Variants in SETX observed in about 807,000 individuals in gnomAD.
SETX encodes the protein senataxin, also known as helicase senataxin.
A neutral mutation model predicts 227.2 loss-of-function variants in SETX; 90 were observed. That is an observed-to-expected ratio of 0.40 (90% CI 0.33 to 0.47). The LOEUF is 0.47. Among genes scored for constraint, SETX ranks in the 20% least tolerant of loss-of-function variants. SETX has a pLI of 0.91. For missense variants in SETX, 3,052 were observed against 3,181.5 expected, an observed-to-expected ratio of 0.96 and a Z score of 0.98; for synonymous variants, 1,210 against 1,113.2, an observed-to-expected ratio of 1.09 and a Z score of -1.73.
In SETX at chr9:132,327,604, G is replaced by C; in HGVS notation, c.3994C>G (p.Gln1332Glu). 1.2e-6 allele frequency: 2 copies of C among 1,614,068 alleles called. No homozygotes were observed. Among genetic ancestry groups the C allele is most frequent in the South Asian group, 2.2e-5 (2 of 91,078 alleles). ...TRKKTKLISP[Q>E]NLSVRNNKKL... ...TTATTATTTCTGACAGACAGGTTCT[G>C]AGGAGAAATTAATTTAGTCTTTTTT... Residue 1332 changes from glutamine (Q) to glutamate (E), a missense_variant, in exon 10 of 26, where the codon CAG (glutamine) becomes GAG (glutamate). Physicochemically the swap from Gln to Glu is conservative, Grantham distance 29 (BLOSUM62 2). This residue lies in a region of SETX where 1,483 missense variants were observed against 1,312.0 expected (regional missense o/e 1.13). Transcript: ENST00000224140.
At chr9:132,353,288 G>T (rs1848694205) in intron 2 of SETX, among the ~76,000 whole-genome samples, 1 of 151,970 alleles carries the variant, frequency 6.6e-6, no homozygotes. Context: ...TGCCTTTATG[G>T]AAGCTCTTCC....
intron 19 of SETX, among the ~76,000 whole-genome samples, chr9:132,282,296 CTTAT>C (rs1564483581): frequency 6.9e-6 from 1 of 145,534 alleles, no homozygotes; most frequent in East Asian, 2.1e-4. Context: ...TATTTTTTAA[CTTAT>C]TTTTTTTTTT....
intron 18 of SETX, among the ~76,000 whole-genome samples, chr9:132,285,112 C>T (rs1439062948): frequency 2.0e-5 from 3 of 151,950 alleles, no homozygotes; most frequent in Admixed American, 6.6e-5. Flanking sequence ...CTCCTGACCT[C>T]GTGATCCGCC....
At chr9:132,301,088 C>CA (rs1844968029) in intron 11 of SETX, among the ~76,000 whole-genome samples, 1 of 123,924 alleles carries the variant, frequency 8.1e-6, no homozygotes, top group Non-Finnish European at 1.8e-5. Flanking sequence ...GTTTATTCTG[C>CA]TTTTTTTTTT....
rs201128958 is a variant in SETX, at chr9:132,326,607, G to A, written c.4991C>T (p.Pro1664Leu). The part of the protein sequence containing the change: ...NSCNVLHPQS[P>L]NNSNRQGCKV... ...GCAACCTTGCCTGTTGGAATTATTCGGAGACTGAGGATGAAGAACATTGCA... is the reference window on the plus strand; with the variant it reads ...GCAACCTTGCCTGTTGGAATTATTCAGAGACTGAGGATGAAGAACATTGCA... Residue 1664 changes from proline to leucine, a missense_variant, in exon 10 of 26, where the codon CCG becomes CTG. Coordinates refer to ENST00000224140, the MANE Select transcript of SETX (RefSeq NM_015046.7). The A allele has an allele frequency of 1.3e-4, 212 of 1,614,148 alleles. 1 individual carries two copies. The highest frequency in any genetic ancestry group is 1.7e-4 in the Non-Finnish European group (196 of 1,180,036).
chr9:132,281,295 G>T (rs1261716089), intron 20 of SETX, among the ~76,000 whole-genome samples, 172 bp downstream of exon 20: 2 of 152,086 alleles, frequency 1.3e-5, no homozygotes, highest in East Asian at 3.8e-4. Context: ...TGACCAAATG[G>T]ACATTTTTAG....
Position 132,269,638 on chromosome 9 carries a change from G to A in SETX, c.7264C>T (p.Leu2422Phe). 2.5e-6 allele frequency: 4 copies of A among 1,614,208 alleles called. No individual in the cohort carries two copies. Among genetic ancestry groups the A allele is most frequent in the Non-Finnish European group, 3.4e-6 (4 of 1,180,004 alleles). Reference protein sequence around the residue: ...ITRAKYSLFILGHLRTLMENQ... With the variant: ...ITRAKYSLFIFGHLRTLMENQ... ...ACCATCAGGGTCCTCAAATGTCCGA[G>A]GATGAAGAGGCTGTACTTGGCTCGT... Residue 2422 changes from leucine to phenylalanine, a missense_variant, in exon 25 of 26, where the codon CTC (leucine) becomes TTC (phenylalanine). Leu to Phe is a conservative substitution (Grantham distance 22, BLOSUM62 0). This residue lies in a region of SETX where 412 missense variants were observed against 589.0 expected (regional missense o/e 0.70). Transcript: ENST00000224140.
chr9:132,325,443 A>G (rs967299117), intron 10 of SETX, among the ~76,000 whole-genome samples: 1 of 151,374 alleles, frequency 6.6e-6, no homozygotes, highest in Non-Finnish European at 1.5e-5. Flanking sequence ...TGTTCAATGT[A>G]ATTCACCCTT....
chr9:132,337,838 G>T (rs759767543), intron 5 of SETX, among the ~76,000 whole-genome samples: 4 of 152,186 alleles, frequency 2.6e-5, no homozygotes, highest in Non-Finnish European at 5.9e-5. Flanking sequence ...AGATCTTGAT[G>T]AAATGCATAG....
intron 2 of SETX, among the ~76,000 whole-genome samples, chr9:132,351,670 C>T (rs535958): frequency 0.78 from 119,054 of 152,220 alleles, 47,342 homozygotes; most frequent in Non-Finnish European, 0.86. Flanking sequence ...AAAATCATCA[C>T]TGGCCTAATG....
chr9:132,287,801 T>G (rs1844008977), intron 17 of SETX, among the ~76,000 whole-genome samples: 1 of 150,070 alleles, frequency 6.7e-6, no homozygotes, highest in Non-Finnish European at 1.5e-5. Context: ...TGTGTTAATC[T>G]GAGACACATT....
At position 132,283,297 on chromosome 9, in the gene SETX, C is replaced by A. The variant is rs1383926381; in HGVS notation, c.6513G>T (p.Gly2171=). ...LLLESAFRGQ[G]GVPFSCVIVD... is the part of the protein sequence containing the mutation. ...CAATGACACAGCTGAAGGGGACACCCCCTTGCCCACGGAAAGCAGACTCAA... is the reference window on the plus strand; with the variant it reads ...CAATGACACAGCTGAAGGGGACACCACCTTGCCCACGGAAAGCAGACTCAA... Residue 2171 remains glycine (G), a synonymous_variant, in exon 19 of 26, where the codon GGG becomes GGT. Transcript: ENST00000224140. 6.2e-7 allele frequency: 1 copy of A among 1,614,168 alleles called. No homozygotes were observed. Among genetic ancestry groups the A allele is most frequent in the Non-Finnish European group, 8.5e-7 (1 of 1,180,020 alleles).
chr9:132,283,169 A>C, intron 19 of SETX, 95 bp downstream of exon 19: 3 of 1,530,816 alleles, frequency 2.0e-6, no homozygotes, highest in Non-Finnish European at 2.7e-6. Flanking sequence ...GCAAAAAAAA[A>C]AAACACATTT....
At chr9:132,354,806 C>G (rs1848821113) in intron 1 of SETX, 111 bp downstream of exon 1, 1 of 152,110 alleles carries the variant, frequency 6.6e-6, no homozygotes, top group Admixed American at 6.5e-5. Flanking sequence ...CCCCATCCGC[C>G]CACCGGGACC....
At chr9:132,303,091 C>T (rs1179615513) in intron 11 of SETX, among the ~76,000 whole-genome samples, 1 of 152,060 alleles carries the variant, frequency 6.6e-6, no homozygotes, top group Non-Finnish European at 1.5e-5. Context: ...GATCACAGCT[C>T]ACTGCAGCCT....
intron 3 of SETX, among the ~76,000 whole-genome samples, chr9:132,348,253 G>A (rs932467231): frequency 1.3e-4 from 20 of 151,066 alleles, no homozygotes; most frequent in African/African-American, 4.6e-4. Context: ...CAGCTACTTG[G>A]GAGGCTGAGG....
chr9:132,303,847 C>T (rs1015184498), intron 11 of SETX, among the ~76,000 whole-genome samples: 2 of 152,122 alleles, frequency 1.3e-5, no homozygotes, highest in Admixed American at 1.3e-4. Context: ...ACCACATGGG[C>T]GCAGTAGCTC....
chr9:132,291,717 G>A (rs1387144981), intron 15 of SETX, among the ~76,000 whole-genome samples: 1 of 152,146 alleles, frequency 6.6e-6, no homozygotes, highest in South Asian at 2.1e-4. Context: ...GTGTCTAGGT[G>A]CCTGGGTGTC....
Position 132,331,582 on chromosome 9 carries a change from C to T in SETX, c.839-134G>A. ...AAGCCAAGGAGCAAATAATTTAAAG[C>T]AGTGCCGCCACCAGTCCTCAGACAC... On this transcript the variant is annotated intron_variant, in intron 7 of 25. Transcript: ENST00000224140. 4.2e-6 allele frequency: 4 copies of T among 953,040 alleles called. No individual in the cohort carries two copies. The South Asian group carries it at 4.3e-5, about 10-fold the overall frequency. The allele number at this position is 953,040 out of a possible 1,614,324, so 59.0% of individuals were successfully genotyped here.
Sources: allele counts gnomAD v4.1 joint callset (sites outside exome capture counted in the v4.1 genomes callset), GRCh38; gene constraint gnomAD v4.1.1; regional missense constraint gnomAD v4.1.1; transcripts MANE v1.5; gene names NCBI Gene and HGNC (gene_info 2026-07-23, HGNC 2026-07-21).